The following ANO2 variants were observed in gnomAD, a reference collection of about 807,000 sequenced individuals.
The protein encoded by ANO2 is anoctamin 2.
In ANO2, 101 loss-of-function variants were observed where a neutral mutation model predicts 124.2. The ratio of observed to expected loss-of-function variants is 0.81; its 90% CI spans 0.69 to 0.96. The LOEUF (loss-of-function observed/expected upper bound fraction) is 0.96, where lower values mean the gene tolerates loss of function less well. Ranked by LOEUF, ANO2 falls within the 40% of genes least tolerant of loss-of-function variation. The probability of loss-of-function intolerance (pLI) is 0.00; values close to 1 mark genes in which losing one functional copy is unlikely to be tolerated. For missense variants in ANO2, 1,293 were observed against 1,274.5 expected (o/e 1.01, Z -0.22); for synonymous variants, 486 against 482.5 (o/e 1.01, Z -0.09).
chr12:5,597,288 C>T (rs117805025), intron 20 of ANO2, among the ~76,000 whole-genome samples: 2,078 of 152,142 alleles, frequency 0.014, 34 homozygotes, highest in African/African-American at 0.036. Context: ...TGTGTTGTTC[C>T]TCTCTGTGTG....
chr12:5,592,538 T>G (rs1431764454), intron 20 of ANO2, among the ~76,000 whole-genome samples: 1 of 152,204 alleles, frequency 6.6e-6, no homozygotes, highest in East Asian at 1.9e-4. Flanking sequence ...TGACCTCATC[T>G]GCTGCACTGG....
chr12:5,656,250 T>C (rs1947147900), intron 14 of ANO2, among the ~76,000 whole-genome samples: 1 of 152,174 alleles, frequency 6.6e-6, no homozygotes, highest in African/African-American at 2.4e-5. Context: ...CCAGCCCAGA[T>C]CTCTCTGTTA....
chr12:5,771,114 C>T (rs1470763961), intron 10 of ANO2, among the ~76,000 whole-genome samples: 1 of 152,240 alleles, frequency 6.6e-6, no homozygotes, highest in Admixed American at 6.5e-5. Flanking sequence ...GAGACTTGTT[C>T]TGCCCTGTTC....
At chr12:5,607,997 GA>G (rs1262251509) in intron 19 of ANO2, among the ~76,000 whole-genome samples, 2 of 152,002 alleles carry the variant, frequency 1.3e-5, no homozygotes, top group Non-Finnish European at 2.9e-5. Flanking sequence ...CCGGTCCACG[GA>G]AAAACTGTCT....
At chr12:5,809,950 T>C (rs777858402) in intron 7 of ANO2, among the ~76,000 whole-genome samples, 26 of 152,234 alleles carry the variant, frequency 1.7e-4, no homozygotes, top group Non-Finnish European at 2.6e-4. Context: ...GAGCATTCTA[T>C]GCTCATGAAG....
At chr12:5,801,517 C>G (rs1953037654) in intron 9 of ANO2, among the ~76,000 whole-genome samples, 1 of 152,206 alleles carries the variant, frequency 6.6e-6, no homozygotes. Flanking sequence ...AACATCAGCC[C>G]TACAGAGAGC....
intron 3 of ANO2, among the ~76,000 whole-genome samples, chr12:5,913,296 G>A (rs973190468): frequency 1.3e-5 from 2 of 152,186 alleles, no homozygotes; most frequent in African/African-American, 2.4e-5. Flanking sequence ...GGAAGACAGC[G>A]GCAAGTCTGA....
intron 10 of ANO2, among the ~76,000 whole-genome samples, chr12:5,796,137 T>TCA (rs924671274): frequency 6.6e-6 from 1 of 150,480 alleles, no homozygotes; most frequent in African/African-American, 2.4e-5. Context: ...ACACACACAC[T>TCA]CACACACACA....
chr12:5,586,428 G>A (rs1241628476), intron 20 of ANO2, among the ~76,000 whole-genome samples: 1 of 152,218 alleles, frequency 6.6e-6, no homozygotes, highest in Non-Finnish European at 1.5e-5. Context: ...CCAGGGAAAG[G>A]AATTTCCTGG....
chr12:5,832,397 C>G, intron 5 of ANO2, 55 bp downstream of exon 5: 1 of 1,603,092 alleles, frequency 6.2e-7, no homozygotes, highest in East Asian at 2.2e-5. Context: ...GAACAGTATT[C>G]AATTTTCCTT....
At chr12:5,926,708 T>C (rs1414723261) in intron 1 of ANO2, among the ~76,000 whole-genome samples, 4 of 152,338 alleles carry the variant, frequency 2.6e-5, no homozygotes. Flanking sequence ...AATATTCAGA[T>C]ACTACTAAGA....
chr12:5,776,796 T>A (rs1182374668), intron 10 of ANO2, among the ~76,000 whole-genome samples: 1 of 152,226 alleles, frequency 6.6e-6, no homozygotes, highest in Non-Finnish European at 1.5e-5. Flanking sequence ...GGAATCTACA[T>A]GTAGAATTTC....
intron 10 of ANO2, among the ~76,000 whole-genome samples, chr12:5,759,699 A>G (rs968783775): frequency 1.3e-5 from 2 of 151,302 alleles, no homozygotes; most frequent in African/African-American, 4.9e-5. Context: ...CACTGTCCCC[A>G]GCCTGTGGAA....
chr12:5,623,866 C>T (rs949988586), intron 16 of ANO2, among the ~76,000 whole-genome samples: 1 of 152,134 alleles, frequency 6.6e-6, no homozygotes, highest in Non-Finnish European at 1.5e-5. Context: ...GGCTGCCCTT[C>T]ATTTGGGAAT....
chr12:5,728,768 G>C (rs1950533616), intron 14 of ANO2, among the ~76,000 whole-genome samples: 1 of 152,132 alleles, frequency 6.6e-6, no homozygotes, highest in Admixed American at 6.5e-5. Flanking sequence ...AGTCAAGATA[G>C]GGTGGTACTA....
intron 3 of ANO2, among the ~76,000 whole-genome samples, chr12:5,914,968 C>T (rs970480553): frequency 1.6e-4 from 25 of 152,128 alleles, no homozygotes; most frequent in African/African-American, 3.9e-4. Flanking sequence ...GGAGGTGGGC[C>T]GACCAGACCT....
chr12:5,814,236 C>T (rs1327852917), intron 7 of ANO2, among the ~76,000 whole-genome samples: 1 of 152,244 alleles, frequency 6.6e-6, no homozygotes, highest in Non-Finnish European at 1.5e-5. Context: ...ACAACGCCGT[C>T]CCTGGCATTC....
chr12:5,614,727 G>T (rs944793295), intron 17 of ANO2, among the ~76,000 whole-genome samples: 2 of 152,174 alleles, frequency 1.3e-5, no homozygotes, highest in African/African-American at 4.8e-5. Context: ...TAGCCAGTGG[G>T]TCATAACTGC....
chr12:5,865,967 C>A (rs1955416540), intron 3 of ANO2, among the ~76,000 whole-genome samples: 1 of 152,228 alleles, frequency 6.6e-6, no homozygotes, highest in Non-Finnish European at 1.5e-5. Context: ...TCCCCTTTCA[C>A]TCACCAATAG....
Sources: gnomAD v4.1 joint callset for allele counts (sites outside exome capture counted in the v4.1 genomes callset) on GRCh38, gnomAD v4.1.1 for gene constraint, MANE v1.5 for transcripts, NCBI Gene and HGNC (gene_info 2026-07-23, HGNC 2026-07-21) for gene names.